ELAVL4: variants seen among roughly 807,000 people sequenced by gnomAD.
ELAVL4 encodes ELAV like RNA binding protein 4.
In ELAVL4, 1 loss-of-function variant was observed where a neutral mutation model predicts 35.6. The observed-to-expected ratio is 0.03, with a 90% CI of 0.01 to 0.13. The LOEUF (loss-of-function observed/expected upper bound fraction) is 0.13, where lower values mean the gene tolerates loss of function less well. Among genes scored for constraint, ELAVL4 ranks in the 10% least tolerant of loss-of-function variants. The pLI, the probability that ELAVL4 is intolerant of heterozygous loss-of-function variation, is 1.00. For synonymous variants in ELAVL4, 156 were observed against 171.0 expected, an observed-to-expected ratio of 0.91 and a Z score of 0.69; for missense variants, 267 against 464.9, an observed-to-expected ratio of 0.57 and a Z score of 3.91.
chr1:50,053,650 G>A (rs75512828), intron 1 of ELAVL4, among the ~76,000 whole-genome samples: 1 of 152,158 alleles, frequency 6.6e-6, no homozygotes, highest in Non-Finnish European at 1.5e-5. Flanking sequence ...GATAGATTCA[G>A]TGAATGTTTA....
At chr1:50,191,311 G>A (rs1056309712) in intron 3 of ELAVL4, among the ~76,000 whole-genome samples, 1 of 152,046 alleles carries the variant, frequency 6.6e-6, no homozygotes, top group African/African-American at 2.4e-5. Context: ...TCTTCTTTCA[G>A]TCCTTCCAGC....
At chr1:50,099,004 C>A (rs1324045631), upstream of ELAVL4, among the ~76,000 whole-genome samples, 1 of 152,146 alleles carries the variant, frequency 6.6e-6, no homozygotes, top group Admixed American at 6.5e-5. Context: ...GGTGACCAAC[C>A]TCAGGAAAGG....
intron 2 of ELAVL4, among the ~76,000 whole-genome samples, chr1:50,173,854 G>C (rs1258651566): frequency 6.6e-6 from 1 of 152,114 alleles, no homozygotes. Flanking sequence ...AAAAGAAAGA[G>C]TAATAAAAAG....
intron 3 of ELAVL4, among the ~76,000 whole-genome samples, chr1:50,184,028 G>A (rs767147889): frequency 6.6e-6 from 1 of 152,178 alleles, no homozygotes; most frequent in Non-Finnish European, 1.5e-5. Flanking sequence ...GAGAGAGCAC[G>A]TGGCAATGCC....
Position 50,201,393 on chromosome 1 carries a change from A to G in ELAVL4, c.*215A>G, listed in dbSNP as rs904395715. 5.2e-6 allele frequency: 2 copies of G among 386,596 alleles called. No homozygotes were observed. Among genetic ancestry groups the G allele is most frequent in the African/African-American group, 4.2e-5 (2 of 47,630 alleles). 23.9% of individuals were successfully genotyped at this position (386,596 alleles called of 1,614,324 possible). A position where few individuals can be genotyped will look rare whatever the true frequency, so the allele number is the denominator to read the frequency against. ...TTTTATAATGCTTAGAAAAAAAGAA[A>G]AAAAAAAAACAAAAAATACCTTTGA... On this transcript the variant is annotated 3_prime_UTR_variant, in exon 7 of 7. Coordinates refer to ENST00000371824, the MANE Select transcript of ELAVL4 (RefSeq NM_001144774.3). This position sits in a 1 kb window ranked among gnomAD's most constrained non-coding sequence, Gnocchi z 4.3.
chr1:50,074,238 TC>T (rs1331264998), intron 1 of ELAVL4, among the ~76,000 whole-genome samples: 1 of 152,198 alleles, frequency 6.6e-6, no homozygotes, highest in Non-Finnish European at 1.5e-5. Context: ...CTCTGTGAGT[TC>T]CTTGAGGAGC....
chr1:50,102,293 AAAT>A (rs1376180237), upstream of ELAVL4, among the ~76,000 whole-genome samples: 2 of 130,448 alleles, frequency 1.5e-5, no homozygotes, highest in South Asian at 5.0e-4. Flanking sequence ...CTCAAAAATA[AAAT>A]AATAAAATAA....
intron 2 of ELAVL4, among the ~76,000 whole-genome samples, chr1:50,145,857 A>G (rs996908411): frequency 1.3e-5 from 2 of 152,252 alleles, no homozygotes; most frequent in African/African-American, 4.8e-5. Context: ...CAACTTCAAT[A>G]CATGAGATTT....
intron 1 of ELAVL4, among the ~76,000 whole-genome samples, chr1:50,126,507 C>T (rs1474712625): frequency 1.3e-5 from 2 of 152,062 alleles, no homozygotes; most frequent in African/African-American, 2.4e-5. Context: ...CCTGTGCTAA[C>T]TGGAATTATA....
chr1:50,091,935 T>C (rs750369741), intron 1 of ELAVL4, among the ~76,000 whole-genome samples: 2 of 152,190 alleles, frequency 1.3e-5, no homozygotes, highest in Non-Finnish European at 2.9e-5. Flanking sequence ...CAAATCTCTA[T>C]ACTTCCAAAC....
At chr1:50,152,367 C>G (rs1224176628) in intron 2 of ELAVL4, among the ~76,000 whole-genome samples, 9 of 151,934 alleles carry the variant, frequency 5.9e-5, no homozygotes, top group Non-Finnish European at 1.3e-4. Flanking sequence ...CTGTTTGGTT[C>G]GTAAGACCAA....
chr1:50,120,744 G>A (rs1292844634), intron 1 of ELAVL4, among the ~76,000 whole-genome samples: 2 of 151,996 alleles, frequency 1.3e-5, no homozygotes, highest in African/African-American at 4.8e-5. Context: ...TGCTTTTAGG[G>A]TTATAGTGGC....
At chr1:50,200,744 TAAAC>T (rs1644351695) in intron 6 of ELAVL4, 103 bp from the exon 7 acceptor site, 1 of 1,530,782 alleles carries the variant, frequency 6.5e-7, no homozygotes, top group Admixed American at 2.1e-5. Context: ...GACTCTCCTG[TAAAC>T]ACTCACTCAG....
chr1:50,189,425 C>A (rs979874247), intron 3 of ELAVL4, among the ~76,000 whole-genome samples: 2 of 152,202 alleles, frequency 1.3e-5, no homozygotes, highest in Non-Finnish European at 2.9e-5. Flanking sequence ...TTGCTGAGAG[C>A]AGAATTGGGA....
chr1:50,136,055 G>A (rs1158290695), intron 1 of ELAVL4, among the ~76,000 whole-genome samples: 2 of 152,112 alleles, frequency 1.3e-5, no homozygotes, highest in African/African-American at 4.8e-5. Flanking sequence ...TTAACCTGAA[G>A]GGACTTGAGC....
Position 50,202,639 on chromosome 1 carries a change from T to C in ELAVL4, c.*1461T>C, listed in dbSNP as rs566711958. 1 of 152,228 alleles carries C rather than the reference T, an allele frequency of 6.6e-6. No individual in the cohort carries two copies. Among genetic ancestry groups the C allele is most frequent in the Admixed American group, 6.5e-5 (1 of 15,292 alleles). 9.4% of individuals were successfully genotyped at this position (152,228 alleles called of 1,614,324 possible). ...TGGGAAGAAGCATATTATTGTGTCATTCTGTTGTGTGTGTATGTGTATATA... is the reference window on the plus strand; with the variant it reads ...TGGGAAGAAGCATATTATTGTGTCACTCTGTTGTGTGTGTATGTGTATATA... On this transcript the variant is annotated 3_prime_UTR_variant, in exon 7 of 7. Transcript: ENST00000371824.
At position 50,083,368 on chromosome 1, in the gene ELAVL4, T is replaced by C. The variant is rs1205312306; in HGVS notation, c.18+35186T>C. Among the ~76,000 whole-genome samples, 3 of 152,188 alleles carry C rather than the reference T, an allele frequency of 2.0e-5. No homozygotes were observed. The East Asian group carries it at 5.8e-4, about 29-fold the overall frequency. ...AACACCTGCCAGATACCAGGCATTCTATAAGACTTTTTAGGTACATTATTA... is the reference window on the plus strand; with the variant it reads ...AACACCTGCCAGATACCAGGCATTCCATAAGACTTTTTAGGTACATTATTA... On this transcript the variant is annotated intron_variant, in intron 1 of 6. Transcript: ENST00000448907.
At chr1:50,058,846 C>T (rs900357392) in intron 1 of ELAVL4, among the ~76,000 whole-genome samples, 23 of 152,042 alleles carry the variant, frequency 1.5e-4, no homozygotes, top group African/African-American at 5.6e-4. Flanking sequence ...TCAAGCAATC[C>T]ATCCCCCTGA....
chr1:50,178,034 T>C (rs1003159034), intron 3 of ELAVL4, among the ~76,000 whole-genome samples: 2 of 152,150 alleles, frequency 1.3e-5, no homozygotes, highest in Non-Finnish European at 2.9e-5. Flanking sequence ...CCTTGGGGGA[T>C]TCCCTTGGGC....
Sources: gnomAD v4.1 joint callset for allele counts (sites outside exome capture counted in the v4.1 genomes callset) on GRCh38, gnomAD v4.1.1 for gene constraint, Gnocchi (gnomAD v3.1) non-coding constraint, MANE v1.5 for transcripts, NCBI Gene and HGNC (gene_info 2026-07-23, HGNC 2026-07-21) for gene names.